The following CLNS1A variants were observed in gnomAD, a reference collection of about 807,000 sequenced individuals.
CLNS1A encodes methylosome subunit pICln.
In CLNS1A, 16 loss-of-function variants were observed where a neutral mutation model predicts 29.4. The observed-to-expected ratio is 0.54, with a 90% CI of 0.37 to 0.83. The LOEUF is 0.83. Among genes scored for constraint, CLNS1A ranks in the 40% least tolerant of loss-of-function variants. CLNS1A has a pLI of 0.00. For synonymous variants in CLNS1A, 96 were observed against 104.8 expected (o/e 0.92, Z 0.51); for missense variants, 235 against 287.4 (o/e 0.82, Z 1.32).
chr11:77,625,212 AG>A, intron 3 of CLNS1A, 142 bp from the exon 4 acceptor site: 1 of 620,276 alleles, frequency 1.6e-6, no homozygotes, highest in South Asian at 2.0e-5. Flanking sequence ...AAGCGGTTGA[AG>A]CAAAAGACAA....
chr11:77,617,059 C>T (rs1211963429), intron 6 of CLNS1A, among the ~76,000 whole-genome samples: 2 of 152,140 alleles, frequency 1.3e-5, no homozygotes, highest in African/African-American at 2.4e-5. Context: ...AAAGCATGTA[C>T]AATTTTAAAT....
Position 77,617,251 on chromosome 11 carries a change from C to T in CLNS1A, c.*23-556G>A, listed in dbSNP as rs1958912859. Among the ~76,000 whole-genome samples, 3 of 151,702 alleles carry T rather than the reference C, an allele frequency of 2.0e-5. No individual in the cohort carries two copies. In the South Asian group the frequency reaches 6.2e-4, roughly 32 times the overall value. On this transcript the variant is annotated intron_variant, in intron 6 of 6. Coordinates refer to ENST00000525428, the MANE Select transcript of CLNS1A (RefSeq NM_001293.3). ...GGCGTGGTGGCACATGCCTGTAATC[C>T]CAGCTACTCGGGAGGATGAGGCAGG...
At position 77,614,727 on chromosome 11, in the gene CLNS1A, T is replaced by C. The variant is rs1958894254; in HGVS notation, c.*1991A>G. 6.6e-6 allele frequency: 1 copy of C among 152,164 alleles called. No individual in the cohort carries two copies. The allele number at this position is 152,164 out of a possible 1,614,324, so 9.4% of individuals were successfully genotyped here. A position where few individuals can be genotyped will look rare whatever the true frequency, so the allele number is the denominator to read the frequency against. On this transcript the variant is annotated 3_prime_UTR_variant, in exon 7 of 7. Coordinates refer to ENST00000525428, the MANE Select transcript of CLNS1A (RefSeq NM_001293.3). The stretch of plus-strand genomic sequence containing the variant: ...ATTAACCCTAGCTTTTAGGAACATT[T>C]AGATGACTTACATTTTGGAGGGGAA...
At chr11:77,630,544 GAGAC>G (rs1280257711) in intron 1 of CLNS1A, among the ~76,000 whole-genome samples, 4 of 152,170 alleles carry the variant, frequency 2.6e-5, no homozygotes, top group Non-Finnish European at 5.9e-5. Flanking sequence ...ATTACCCTGA[GAGAC>G]AGATTCCCTG....
intron 5 of CLNS1A, 57 bp downstream of exon 5, chr11:77,622,443 C>T (rs1958968377): frequency 2.3e-6 from 3 of 1,303,472 alleles, no homozygotes; most frequent in Non-Finnish European, 3.2e-6. Context: ...TATTGACTAT[C>T]CATAACTTAT....
At chr11:77,629,605 A>G (rs1959054415) in intron 2 of CLNS1A, among the ~76,000 whole-genome samples, 158 bp downstream of exon 2, 1 of 152,194 alleles carries the variant, frequency 6.6e-6, no homozygotes, top group South Asian at 2.1e-4. Flanking sequence ...CGTATTAGCC[A>G]GGATGGTCTC....
chr11:77,637,123 C>A (rs1202424392), intron 1 of CLNS1A, among the ~76,000 whole-genome samples: 1 of 150,936 alleles, frequency 6.6e-6, no homozygotes, highest in Non-Finnish European at 1.5e-5. Context: ...CTACGTATCC[C>A]AGAGAGGGGA....
At chr11:77,627,353 C>T (rs1195795757) in intron 2 of CLNS1A, among the ~76,000 whole-genome samples, 3 of 150,692 alleles carry the variant, frequency 2.0e-5, no homozygotes, top group Admixed American at 6.6e-5. Flanking sequence ...GCAGAAGAAT[C>T]GCTTGAACCC....
chr11:77,634,799 T>C (rs1401249072), intron 1 of CLNS1A, among the ~76,000 whole-genome samples: 1 of 151,610 alleles, frequency 6.6e-6, no homozygotes, highest in Non-Finnish European at 1.5e-5. Context: ...ACAAATAATG[T>C]TTAATTTTTT....
intron 4 of CLNS1A, among the ~76,000 whole-genome samples, chr11:77,624,469 T>C (rs534209727): frequency 1.4e-3 from 208 of 152,140 alleles, no homozygotes; most frequent in Non-Finnish European, 2.3e-3. Context: ...ACTCAAAAAT[T>C]TGTCTGTTGC....
At chr11:77,618,616 A>C (rs955288946) in intron 6 of CLNS1A, 10 of 152,368 alleles carry the variant, frequency 6.6e-5, no homozygotes, top group Middle Eastern at 6.8e-3. Flanking sequence ...TGGTCAGTAT[A>C]AGAAGCAATG....
At chr11:77,616,731 G>GATA (rs1180658892) in intron 6 of CLNS1A, 36 bp from the exon 7 acceptor site, 1 of 152,282 alleles carries the variant, frequency 6.6e-6, no homozygotes, top group East Asian at 1.9e-4. Flanking sequence ...TTACAGTAGT[G>GATA]ATAATAATAA....
intron 2 of CLNS1A, among the ~76,000 whole-genome samples, chr11:77,628,940 T>C (rs1959047724): frequency 6.6e-6 from 1 of 152,170 alleles, no homozygotes; most frequent in East Asian, 1.9e-4. Context: ...AATAATAGCA[T>C]CCTTGGCATC....
chr11:77,622,642 G>A lies in CLNS1A; in HGVS notation c.504C>T (p.Tyr168=), dbSNP rs531365858. 36 of 1,610,420 alleles carry A rather than the reference G, an allele frequency of 2.2e-5. No homozygotes were observed. In the East Asian group the frequency reaches 5.1e-4, roughly 23 times the overall value. The change falls in exon 5 of 7, where the codon TAC becomes TAT. Residue 168 remains tyrosine (Y), a synonymous_variant. Coordinates refer to ENST00000525428, the MANE Select transcript of CLNS1A (RefSeq NM_001293.3). ...GATGGGATAATCCTTCTTCATAGGT[G>A]TAAAATGTAGGGATGTCCCCCTGTC... is the stretch of plus-strand genomic sequence containing the variant. ...EQGQGDIPTF[Y]TYEEGLSHLT...
intron 6 of CLNS1A, among the ~76,000 whole-genome samples, chr11:77,617,379 A>AAC (rs893529461): frequency 1.1e-4 from 17 of 149,910 alleles, no homozygotes; most frequent in Non-Finnish European, 2.2e-4. Flanking sequence ...AAAAAAAAAA[A>AAC]AAAAAAAAAA....
Position 77,626,467 on chromosome 11 carries a change from C to T in CLNS1A, c.263-649G>A, listed in dbSNP as rs1425990715. Among the ~76,000 whole-genome samples the T allele has an allele frequency of 4.6e-5, 7 of 152,104 alleles. 1 individual carries two copies. The highest frequency in any genetic ancestry group is 1.4e-4 in the African/African-American group (6 of 41,534). ...CAGCCTGGCCAATATGGTGAAACCC[C>T]GTCTCTACTAAAAATACAAAAATTA... On this transcript the variant is annotated intron_variant, in intron 2 of 6. Coordinates refer to ENST00000525428, the MANE Select transcript of CLNS1A (RefSeq NM_001293.3).
chr11:77,621,352 G>A (rs1958956496), intron 5 of CLNS1A, among the ~76,000 whole-genome samples: 1 of 151,228 alleles, frequency 6.6e-6, no homozygotes, highest in Non-Finnish European at 1.5e-5. Context: ...ACACACAAAA[G>A]GACACAAGAC....
rs377116756 is a variant in CLNS1A, at chr11:77,637,559, G to A, written c.125+31C>T. On this transcript the variant is annotated intron_variant, in intron 1 of 6. Coordinates refer to ENST00000525428, the MANE Select transcript of CLNS1A (RefSeq NM_001293.3). ...CCAGCAAGGAGGAGGGCGGCGCGCA[G>A]GAGGCCAGCGCTGGGGACCAGGAAC... The A allele has an allele frequency of 4.4e-6, 7 of 1,580,812 alleles. No individual in the cohort carries two copies. In the Admixed American group the frequency reaches 1.3e-4, roughly 29 times the overall value.
Position 77,637,631 on chromosome 11 carries a change from G to T in CLNS1A, c.84C>A (p.Asn28Lys). ...RQQPDTEAVLNGKGLGTGTLY... is the reference protein window; with the variant it reads ...RQQPDTEAVLKGKGLGTGTLY... ...GGGTACCAGTGCCGAGGCCCTTCCC[G>T]TTCAGCACAGCCTCAGTGTCTGGCT... Residue 28 changes from asparagine (N) to lysine (K), a missense_variant, in exon 1 of 7, where the codon AAC becomes AAA. Asn to Lys is a moderately conservative substitution (Grantham distance 94). Coordinates refer to ENST00000525428, the MANE Select transcript of CLNS1A (RefSeq NM_001293.3). 1 of 1,592,026 alleles carries T rather than the reference G, an allele frequency of 6.3e-7. No homozygotes were observed. The highest frequency in any genetic ancestry group is 8.5e-7 in the Non-Finnish European group (1 of 1,169,808).
Sources: allele counts gnomAD v4.1 joint callset (sites outside exome capture counted in the v4.1 genomes callset), GRCh38; gene constraint gnomAD v4.1.1; transcripts MANE v1.5; gene names NCBI Gene and HGNC (gene_info 2026-07-23, HGNC 2026-07-21).